The following THSD7B variants were observed in gnomAD, a reference collection of about 807,000 sequenced individuals.
THSD7B encodes thrombospondin type 1 domain containing 7B, also known as thrombospondin type-1 domain-containing protein 7B.
A neutral mutation model predicts 213.6 loss-of-function variants in THSD7B; 138 were observed. The observed-to-expected ratio is 0.65, with a 90% confidence interval of 0.56 to 0.74. THSD7B has a LOEUF of 0.74. Ranked by LOEUF, THSD7B falls within the 30% of genes least tolerant of loss-of-function variation. The pLI, the probability that THSD7B is intolerant of heterozygous loss-of-function variation, is 0.00. For missense variants in THSD7B, 1,931 were observed against 1,991.5 expected, an observed-to-expected ratio of 0.97 and a Z score of 0.58; for synonymous variants, 742 against 687.0, an observed-to-expected ratio of 1.08 and a Z score of -1.25.
chr2:137,353,601 A>AG (rs1685062548), intron 12 of THSD7B, among the ~76,000 whole-genome samples: 1 of 152,148 alleles, frequency 6.6e-6, no homozygotes, highest in Non-Finnish European at 1.5e-5. Context: ...AGCTCACTGT[A>AG]GAATTAGGTT....
intron 12 of THSD7B, among the ~76,000 whole-genome samples, chr2:137,321,271 T>C (rs1038911676): frequency 2.0e-5 from 3 of 152,192 alleles, no homozygotes; most frequent in African/African-American, 7.2e-5. Flanking sequence ...AATAGGAAAT[T>C]TTCTGACTCA....
intron 15 of THSD7B, among the ~76,000 whole-genome samples, chr2:137,543,091 G>A (rs1174155926): frequency 6.6e-6 from 1 of 151,674 alleles, no homozygotes; most frequent in Non-Finnish European, 1.5e-5. Context: ...ACTTTTAGAA[G>A]CTGCCAGTGT....
intron 15 of THSD7B, among the ~76,000 whole-genome samples, chr2:137,554,930 A>G (rs1680924963): frequency 6.6e-6 from 1 of 152,198 alleles, no homozygotes. Flanking sequence ...TCCCATGCTC[A>G]GGGAGCCCCG....
At chr2:137,460,594 T>C (rs1404852380) in intron 15 of THSD7B, among the ~76,000 whole-genome samples, 1 of 152,138 alleles carries the variant, frequency 6.6e-6, no homozygotes. Flanking sequence ...GTCTGTTTTA[T>C]TTTATTCCTA....
chr2:137,114,145 T>C (rs1349049587), intron 4 of THSD7B, among the ~76,000 whole-genome samples: 5 of 152,230 alleles, frequency 3.3e-5, no homozygotes, highest in Non-Finnish European at 7.3e-5. Context: ...TTTCCTCTTT[T>C]TTCTTTTAAA....
At chr2:137,312,378 C>G (rs1196508810) in intron 12 of THSD7B, among the ~76,000 whole-genome samples, 1 of 149,644 alleles carries the variant, frequency 6.7e-6, no homozygotes, top group Non-Finnish European at 1.5e-5. Flanking sequence ...TTTATTGTGT[C>G]TATTTGATTC....
intron 20 of THSD7B, among the ~76,000 whole-genome samples, chr2:137,637,373 G>A (rs542670898): frequency 6.6e-6 from 1 of 152,212 alleles, no homozygotes; most frequent in African/African-American, 2.4e-5. Context: ...TATAGTAAAA[G>A]ATAACAATTA....
intron 1 of THSD7B, among the ~76,000 whole-genome samples, chr2:136,784,677 T>C (rs1466694546): frequency 6.6e-6 from 1 of 152,244 alleles, no homozygotes; most frequent in Non-Finnish European, 1.5e-5. Context: ...AAAGGTGTTA[T>C]ATACAAGATA....
intron 17 of THSD7B, among the ~76,000 whole-genome samples, chr2:137,584,241 G>A (rs1558848899): frequency 1.3e-5 from 2 of 152,184 alleles, no homozygotes; most frequent in South Asian, 4.1e-4. Context: ...ATTTTGGGTT[G>A]AGATGATTAG....
At chr2:136,820,296 G>C (rs906347747) in intron 1 of THSD7B, among the ~76,000 whole-genome samples, 4 of 152,086 alleles carry the variant, frequency 2.6e-5, no homozygotes, top group Non-Finnish European at 5.9e-5. Context: ...TAATTCCAAG[G>C]GGAAAATAAT....
chr2:137,555,589 G>A (rs536309133), intron 15 of THSD7B, among the ~76,000 whole-genome samples: 1 of 152,076 alleles, frequency 6.6e-6, no homozygotes, highest in African/African-American at 2.4e-5. Context: ...CACCAAGATG[G>A]GGAAAAAACA....
chr2:137,564,641 A>G (rs1681195351), intron 16 of THSD7B, among the ~76,000 whole-genome samples: 1 of 152,182 alleles, frequency 6.6e-6, no homozygotes, highest in Non-Finnish European at 1.5e-5. Flanking sequence ...TATCCTATTC[A>G]GGCCTCTTAG....
intron 12 of THSD7B, among the ~76,000 whole-genome samples, chr2:137,290,234 C>T (rs1055378067): frequency 2.0e-5 from 3 of 151,516 alleles, no homozygotes; most frequent in Non-Finnish European, 4.4e-5. Context: ...GACTACAAGG[C>T]GTGTGCCACC....
At chr2:137,433,007 T>C (rs1687217806) in intron 14 of THSD7B, among the ~76,000 whole-genome samples, 1 of 152,216 alleles carries the variant, frequency 6.6e-6, no homozygotes. Context: ...TAATACCTTC[T>C]AGATGCCAAA....
At chr2:137,576,293 A>G (rs1246650686) in intron 17 of THSD7B, among the ~76,000 whole-genome samples, 1 of 152,138 alleles carries the variant, frequency 6.6e-6, no homozygotes, top group Non-Finnish European at 1.5e-5. Flanking sequence ...TGCAGAAGCA[A>G]GACTTTGCAA....
intron 7 of THSD7B, among the ~76,000 whole-genome samples, chr2:137,181,080 A>G (rs56813182): frequency 1.1e-3 from 163 of 152,336 alleles, no homozygotes; most frequent in African/African-American, 3.8e-3. Flanking sequence ...TATATAGTAC[A>G]TACTTATCTG....
chr2:137,398,116 C>T lies in THSD7B; in HGVS notation c.2501-7497C>T, dbSNP rs796147437. Among the ~76,000 whole-genome samples, 5 of 146,026 alleles carry T rather than the reference C, an allele frequency of 3.4e-5. No homozygotes were observed. In the Admixed American group the frequency reaches 3.5e-4, roughly 10 times the overall value. ...ACTTCTTTGCCTTTGGTTTGAATGT[C>T]CTCCCGTAGCTCAGAGTAATTTGAT... On this transcript the variant is annotated intron_variant, in intron 12 of 27. Coordinates refer to ENST00000409968, the MANE Select transcript of THSD7B (RefSeq NM_001316349.2).
rs1329072345 is a variant in THSD7B at position 137,526,521 on chromosome 2, A to G, written c.3139-36700A>G. Among the ~76,000 whole-genome samples, 3 of 152,068 alleles carry G rather than the reference A, an allele frequency of 2.0e-5. No homozygotes were observed. In the East Asian group the frequency reaches 5.8e-4, roughly 29 times the overall value. On this transcript the variant is annotated intron_variant, in intron 15 of 27. Transcript: ENST00000409968. ...ACTGCAACCTCTGCCTCCTAGGTTC[A>G]AGCAATTCTCCTGTCTCAGCCTCCT... is the stretch of plus-strand genomic sequence containing the variant.
chr2:137,635,700 T>C (rs1386135578), intron 20 of THSD7B, among the ~76,000 whole-genome samples: 1 of 152,030 alleles, frequency 6.6e-6, no homozygotes, highest in East Asian at 1.9e-4. Flanking sequence ...AGTTACCATA[T>C]TTAAAATATT....
Sources: allele counts gnomAD v4.1 joint callset (sites outside exome capture counted in the v4.1 genomes callset), GRCh38; gene constraint gnomAD v4.1.1; transcripts MANE v1.5; gene names NCBI Gene and HGNC (gene_info 2026-07-23, HGNC 2026-07-21).